Variants in KDM6A observed in about 807,000 individuals in gnomAD.
The protein encoded by KDM6A is lysine demethylase 6A.
A neutral mutation model predicts 117.6 loss-of-function variants in KDM6A; 11 were observed. The observed-to-expected ratio is 0.09, with a 90% CI of 0.06 to 0.15. The LOEUF is 0.15. Ranked by LOEUF, KDM6A falls within the 10% of genes least tolerant of loss-of-function variation. KDM6A has a pLI of 1.00. For missense variants in KDM6A, 799 were observed against 1,077.3 expected (o/e 0.74, Z 3.62); for synonymous variants, 384 against 396.1 (o/e 0.97, Z 0.36).
chrX:45,068,106 A>G (rs2044622047), intron 17 of KDM6A, among the ~76,000 whole-genome samples: 1 of 111,762 alleles, frequency 8.9e-6, no homozygotes, highest in Non-Finnish European at 1.9e-5. Flanking sequence ...GTATATAAAT[A>G]TCTTGTTATC....
At chrX:44,980,993 T>A (rs1208550385) in intron 4 of KDM6A, among the ~76,000 whole-genome samples, 2 of 110,796 alleles carry the variant, frequency 1.8e-5, no homozygotes, top group Non-Finnish European at 3.8e-5. Context: ...TTCCCCCTAC[T>A]TCATGTTTTT....
chrX:45,038,051 A>G (rs2042892563), intron 8 of KDM6A, among the ~76,000 whole-genome samples: 1 of 111,178 alleles, frequency 9.0e-6, no homozygotes, highest in Non-Finnish European at 1.9e-5. Context: ...ACGAAACCCC[A>G]TCTTTACTAA....
chrX:45,011,195 C>T (rs1051942822), intron 5 of KDM6A, among the ~76,000 whole-genome samples, 176 bp downstream of exon 5: 1 of 111,056 alleles, frequency 9.0e-6, no homozygotes. Context: ...AGGGTGTTGG[C>T]TCACCTTAGA....
chrX:45,065,265 A>T (rs1024567807), intron 17 of KDM6A, among the ~76,000 whole-genome samples: 1 of 111,740 alleles, frequency 8.9e-6, no homozygotes, highest in African/African-American at 3.3e-5. Context: ...ATTTGAGGAG[A>T]ATCAAGGTGG....
At chrX:44,971,906 C>T (rs1303005794) in intron 3 of KDM6A, among the ~76,000 whole-genome samples, 2 of 109,596 alleles carry the variant, frequency 1.8e-5, no homozygotes, top group Non-Finnish European at 3.8e-5. Flanking sequence ...TCCACTGGGG[C>T]GCCTGGATAA....
chrX:45,028,243 C>T (rs2042460428), intron 6 of KDM6A, among the ~76,000 whole-genome samples: 1 of 112,379 alleles, frequency 8.9e-6, no homozygotes, highest in Non-Finnish European at 1.9e-5. Flanking sequence ...ATTTAAAATG[C>T]TTCACTGAGG....
In KDM6A at chrX:45,012,197, A is replaced by ATTTTTTTTTTTT. The variant is rs760991442; in HGVS notation, c.443+1189_443+1200dup. 6.7e-4 allele frequency among the ~76,000 whole-genome samples: 46 copies of ATTTTTTTTTTTT among 69,066 alleles called. 1 individual carries two copies. The highest frequency in any genetic ancestry group is 2.7e-3 in the African/African-American group (43 of 15,804). The allele number at this position is 69,066 out of a possible 115,157, so 60.0% of individuals were successfully genotyped here. ...TTTATAAAATGTCAACCCAATGTAGATTTTTTTTTTTTTTTTTTTTTTGGT... is the reference window on the plus strand; with the variant it reads ...TTTATAAAATGTCAACCCAATGTAGATTTTTTTTTTTTTTTTTTTTTTTTTTTTTTTTTTGGT... On this transcript the variant is annotated intron_variant, in intron 5 of 29. Coordinates refer to ENST00000611820, the MANE Select transcript of KDM6A (RefSeq NM_001291415.2).
intron 8 of KDM6A, among the ~76,000 whole-genome samples, chrX:45,045,966 C>T (rs1363554109): frequency 9.0e-6 from 1 of 111,271 alleles, no homozygotes; most frequent in East Asian, 2.8e-4. Flanking sequence ...TGTTTTGAAG[C>T]AAGTATTACA....
chrX:45,092,850 A>G (rs2045948287), intron 27 of KDM6A, among the ~76,000 whole-genome samples: 1 of 111,405 alleles, frequency 9.0e-6, no homozygotes, highest in Non-Finnish European at 1.9e-5. Context: ...TTTCATATAC[A>G]GAGAACAGAT....
At chrX:44,875,914 G>T (rs1277730420) in intron 2 of KDM6A, among the ~76,000 whole-genome samples, 3 of 111,901 alleles carry the variant, frequency 2.7e-5, no homozygotes, top group Non-Finnish European at 5.6e-5. Context: ...ATTTCGGATT[G>T]TAATATTAAA....
At chrX:44,886,663 G>T (rs1265664545) in intron 2 of KDM6A, among the ~76,000 whole-genome samples, 4 of 107,555 alleles carry the variant, frequency 3.7e-5, no homozygotes, top group African/African-American at 1.4e-4. Flanking sequence ...CTGATTTTGT[G>T]TATTTTTAGT....
chrX:45,045,122 A>G (rs764710863), intron 8 of KDM6A, among the ~76,000 whole-genome samples: 1 of 111,977 alleles, frequency 8.9e-6, no homozygotes, highest in Non-Finnish European at 1.9e-5. Flanking sequence ...ACTCACTGAC[A>G]TTAAGTAAAT....
intron 21 of KDM6A, 29 bp downstream of exon 21, chrX:45,079,380 T>C (rs766018333): frequency 9.2e-7 from 1 of 1,084,581 alleles, no homozygotes; most frequent in Admixed American, 2.2e-5. Flanking sequence ...AAGATTATTT[T>C]AGGATTTTAA....
At chrX:44,981,641 C>G (rs1007269241) in intron 4 of KDM6A, among the ~76,000 whole-genome samples, 1 of 111,819 alleles carries the variant, frequency 8.9e-6, no homozygotes, top group Admixed American at 9.5e-5. Context: ...AAAGTCCCAA[C>G]GTTCTAATCA....
intron 2 of KDM6A, among the ~76,000 whole-genome samples, chrX:44,916,292 G>A (rs2035546442): frequency 9.1e-6 from 1 of 110,371 alleles, no homozygotes; most frequent in Admixed American, 9.8e-5. Flanking sequence ...TGTTGACCAA[G>A]CAGGCTAGAA....
chrX:44,889,462 TA>T lies in KDM6A; in HGVS notation c.225+15483del, dbSNP rs756953875. On this transcript the variant is annotated intron_variant, in intron 2 of 29. Coordinates refer to ENST00000611820, the MANE Select transcript of KDM6A (RefSeq NM_001291415.2). The stretch of plus-strand genomic sequence containing the variant: ...AACTCATAACTCTTAAGGAAACACT[TA>T]AAAAAAATTTTTTTTTAAAATCGGC... 4.6e-3 allele frequency among the ~76,000 whole-genome samples: 510 copies of T among 112,085 alleles called. 4 individuals carry two copies. Among genetic ancestry groups the T allele is most frequent in the African/African-American group, 0.013 (394 of 30,886 alleles).
intron 2 of KDM6A, among the ~76,000 whole-genome samples, chrX:44,941,758 C>T (rs1012655030): frequency 1.2e-4 from 13 of 110,190 alleles, no homozygotes; most frequent in African/African-American, 1.7e-4. Flanking sequence ...GGATTACAGG[C>T]GTGAGCCACC....
At chrX:45,101,929 AT>A (rs1022721785) in intron 27 of KDM6A, among the ~76,000 whole-genome samples, 16 of 111,352 alleles carry the variant, frequency 1.4e-4, no homozygotes, top group African/African-American at 5.2e-4. Flanking sequence ...TAAGTTAAAT[AT>A]CCCCTTTTTT....
chrX:45,110,193 G>T lies in KDM6A; in HGVS notation c.4276G>T (p.Val1426Leu), dbSNP rs2148306999. The change falls in exon 29 of 30, where the codon GTG becomes TTG. Residue 1426 changes from valine (V) to leucine (L), a missense_variant. This residue lies in a region of KDM6A where 291 missense variants were observed against 437.9 expected (regional missense o/e 0.66). Transcript: ENST00000611820. ...KTSGNLENFV[V>L]LEQYKMEDLM... Reference sequence around the variant, plus strand: ...AAGCGGAAACTTGGAAAACTTTGTGGTGCTAGAACAGTACAAAATGGAGGA... The same window carrying T: ...AAGCGGAAACTTGGAAAACTTTGTGTTGCTAGAACAGTACAAAATGGAGGA... The T allele has an allele frequency of 8.3e-7, 1 of 1,211,001 alleles. No individual in the cohort carries two copies. The highest frequency in any genetic ancestry group is 1.1e-6 in the Non-Finnish European group (1 of 894,909).
Sources: gnomAD v4.1 joint callset for allele counts (sites outside exome capture counted in the v4.1 genomes callset) on GRCh38, gnomAD v4.1.1 for gene constraint, gnomAD v4.1.1 regional missense constraint, MANE v1.5 for transcripts, NCBI Gene and HGNC (gene_info 2026-07-23, HGNC 2026-07-21) for gene names.